The following ARHGAP35 variants were observed in gnomAD, a reference collection of about 807,000 sequenced individuals.
ARHGAP35 encodes the protein Rho GTPase activating protein 35.
Under a neutral mutation model 111.1 loss-of-function variants are expected in ARHGAP35, and 15 were observed. The ratio of observed to expected loss-of-function variants is 0.13; its 90% CI spans 0.09 to 0.21. The LOEUF (loss-of-function observed/expected upper bound fraction) is 0.21, where lower values mean the gene tolerates loss of function less well. Among genes scored for constraint, ARHGAP35 ranks in the 10% least tolerant of loss-of-function variants. The pLI, the probability that ARHGAP35 is intolerant of heterozygous loss-of-function variation, is 1.00. For synonymous variants in ARHGAP35, 643 were observed against 710.3 expected, an observed-to-expected ratio of 0.91 and a Z score of 1.51; for missense variants, 1,262 against 1,873.0, an observed-to-expected ratio of 0.67 and a Z score of 6.02.
In ARHGAP35 at chr19:46,901,865, C is replaced by T. The variant is rs564475509; in HGVS notation, c.-188-16623C>T. Among the ~76,000 whole-genome samples the T allele has an allele frequency of 6.6e-6, 1 of 152,202 alleles. No homozygotes were observed. Among genetic ancestry groups the T allele is most frequent in the Non-Finnish European group, 1.5e-5 (1 of 68,040 alleles). On this transcript the variant is annotated intron_variant, in intron 1 of 6. Transcript: ENST00000672722. The surrounding 1 kb of genome is among the most constrained non-coding windows in gnomAD (Gnocchi z 4.5). ...TGACAGATGAGAGCTGTCAAGATAGCTTGGCTGTGAGATGCCATTTAACTA... is the reference window on the plus strand; with the variant it reads ...TGACAGATGAGAGCTGTCAAGATAGTTTGGCTGTGAGATGCCATTTAACTA...
chr19:46,928,982 T>A (rs1299502299), intron 2 of ARHGAP35, among the ~76,000 whole-genome samples: 1 of 111,628 alleles, frequency 9.0e-6, no homozygotes, highest in Non-Finnish European at 1.8e-5. Flanking sequence ...TAGGATGACA[T>A]GTCTCCGTTT....
chr19:46,929,084 T>G (rs1366388478), intron 2 of ARHGAP35, among the ~76,000 whole-genome samples: 1 of 152,090 alleles, frequency 6.6e-6, no homozygotes, highest in Non-Finnish European at 1.5e-5. Context: ...TCCAAGATGG[T>G]GAGTGACTGA....
chr19:46,976,317 A>G (rs1401429650), intron 3 of ARHGAP35, among the ~76,000 whole-genome samples: 2 of 148,540 alleles, frequency 1.3e-5, no homozygotes, highest in Admixed American at 6.8e-5. Flanking sequence ...CCCCATTGCC[A>G]TAAAGGCAGG....
chr19:46,948,280 G>A (rs2056391847), intron 3 of ARHGAP35: 1 of 152,216 alleles, frequency 6.6e-6, no homozygotes, highest in South Asian at 2.1e-4. Flanking sequence ...AACAAGAACT[G>A]TAGACAAAAA....
chr19:46,877,754 T>G (rs2055933784), intron 1 of ARHGAP35, among the ~76,000 whole-genome samples: 1 of 152,088 alleles, frequency 6.6e-6, no homozygotes, highest in African/African-American at 2.4e-5. Flanking sequence ...TTGGCCAGGC[T>G]GGAGTTCAGT....
At chr19:46,913,276 A>G (rs2056147437) in intron 1 of ARHGAP35, among the ~76,000 whole-genome samples, 1 of 150,730 alleles carries the variant, frequency 6.6e-6, no homozygotes, top group Non-Finnish European at 1.5e-5. Context: ...AGTGATACAC[A>G]CGCTGTGTTG....
At position 46,920,458 on chromosome 19, in the gene ARHGAP35, A is replaced by G. The variant is rs1225439333; in HGVS notation, c.1783A>G (p.Ile595Val). ...NQKNSLSDPN[I>V]DRINLVILGK... ...GAAAAATTCACTCTCTGACCCTAAC[A>G]TTGATAGAATCAACTTGGTTATATT... Residue 595 changes from isoleucine to valine, a missense_variant, in exon 2 of 7, where the codon ATT (isoleucine) becomes GTT (valine). Physicochemically the swap from Ile to Val is conservative, Grantham distance 29. Transcript: ENST00000672722. The surrounding 1 kb of genome is among the most constrained non-coding windows in gnomAD (Gnocchi z 7.0). 1 of 1,613,908 alleles carries G rather than the reference A, an allele frequency of 6.2e-7. No homozygotes were observed. The highest frequency in any genetic ancestry group is 8.5e-7 in the Non-Finnish European group (1 of 1,179,802).
Position 46,919,131 on chromosome 19 carries a change from C to T in ARHGAP35, c.456C>T (p.Asp152=), listed in dbSNP as rs753062854. ...EQDFEQKQMP[D]GKLLVDGFLL... ...ACTTTGAGCAGAAACAAATGCCAGA[C>T]GGAAAGCTGCTGGTTGATGGTTTTC... Residue 152 remains aspartate, a synonymous_variant, in exon 2 of 7, where the codon GAC becomes GAT. Transcript: ENST00000672722. The surrounding 1 kb of genome is among the most constrained non-coding windows in gnomAD (Gnocchi z 6.2). The T allele has an allele frequency of 1.7e-5, 28 of 1,613,786 alleles. No individual in the cohort carries two copies. Among genetic ancestry groups the T allele is most frequent in the African/African-American group, 4.0e-5 (3 of 74,884 alleles).
At chr19:46,914,571 T>C (rs2056154440) in intron 1 of ARHGAP35, among the ~76,000 whole-genome samples, 1 of 152,144 alleles carries the variant, frequency 6.6e-6, no homozygotes. Context: ...GAGCTATGAT[T>C]ACAGCACTGC....
intron 1 of ARHGAP35, among the ~76,000 whole-genome samples, chr19:46,873,350 G>T (rs781624348): frequency 6.6e-6 from 1 of 151,776 alleles, no homozygotes; most frequent in African/African-American, 2.4e-5. Context: ...GAAAGGAGCC[G>T]GCTGGGCATG....
chr19:46,951,441 T>G (rs1044044350), intron 3 of ARHGAP35, among the ~76,000 whole-genome samples: 3 of 146,608 alleles, frequency 2.0e-5, no homozygotes, highest in African/African-American at 7.3e-5. Flanking sequence ...CCATGTGTGT[T>G]TTGATGGCCT....
intron 1 of ARHGAP35, among the ~76,000 whole-genome samples, chr19:46,916,001 C>T (rs1414881329): frequency 7.2e-6 from 1 of 138,398 alleles, no homozygotes; most frequent in East Asian, 2.2e-4. Context: ...AGTGGCGTGT[C>T]TCGGCTCACT....
intron 1 of ARHGAP35, among the ~76,000 whole-genome samples, chr19:46,876,870 G>A (rs913262340): frequency 6.6e-6 from 1 of 152,190 alleles, no homozygotes; most frequent in African/African-American, 2.4e-5. Flanking sequence ...CAGAGATAGT[G>A]TGGGATTAGT....
At chr19:46,932,925 C>T (rs951972499) in intron 2 of ARHGAP35, among the ~76,000 whole-genome samples, 4 of 152,122 alleles carry the variant, frequency 2.6e-5, no homozygotes, top group African/African-American at 9.7e-5. Flanking sequence ...TTCCGTCTCT[C>T]TTATCGCTCC....
chr19:46,885,577 G>A (rs929868669), intron 1 of ARHGAP35, among the ~76,000 whole-genome samples: 7 of 152,068 alleles, frequency 4.6e-5, no homozygotes, highest in Non-Finnish European at 8.8e-5. Flanking sequence ...GGTTAATGCC[G>A]GTGATTTCAT....
In ARHGAP35 at chr19:46,903,193, T is replaced by C. The variant is rs188547569; in HGVS notation, c.-188-15295T>C. Among the ~76,000 whole-genome samples the C allele has an allele frequency of 3.3e-5, 5 of 152,198 alleles. No individual in the cohort carries two copies. The East Asian group carries it at 9.7e-4, about 29-fold the overall frequency. On this transcript the variant is annotated intron_variant, in intron 1 of 6. Coordinates refer to ENST00000672722, the MANE Select transcript of ARHGAP35 (RefSeq NM_004491.5). ...CACATGCAATAGTGAAGGAACTGGG[T>C]TGAGACACCTACTCATCCCCAAACC...
chr19:46,872,835 T>C (rs1248728341), intron 1 of ARHGAP35, among the ~76,000 whole-genome samples: 6 of 150,246 alleles, frequency 4.0e-5, no homozygotes, highest in Non-Finnish European at 7.4e-5. Flanking sequence ...GAGCCGAGAT[T>C]GTGCCACTAC....
chr19:46,915,049 A>G (rs1389700430), intron 1 of ARHGAP35, among the ~76,000 whole-genome samples: 1 of 151,982 alleles, frequency 6.6e-6, no homozygotes, highest in Non-Finnish European at 1.5e-5. Flanking sequence ...CTTCATCAGC[A>G]CTCCTGTCTG....
chr19:46,961,544 G>A lies in ARHGAP35; in HGVS notation c.3826+24136G>A, dbSNP rs150804387. On this transcript the variant is annotated intron_variant, in intron 3 of 6. Coordinates refer to ENST00000672722, the MANE Select transcript of ARHGAP35 (RefSeq NM_004491.5). ...CAACATGGGTGAATCTCATGGACGC[G>A]TTGAATAAAAGAAGCCAGAAATAAA... Among the ~76,000 whole-genome samples, 516 of 152,226 alleles carry A rather than the reference G, an allele frequency of 3.4e-3. 4 individuals are homozygous for A. The highest frequency in any genetic ancestry group is 0.012 in the African/African-American group (485 of 41,534).
Sources: gnomAD v4.1 joint callset for allele counts (sites outside exome capture counted in the v4.1 genomes callset) on GRCh38, gnomAD v4.1.1 for gene constraint, Gnocchi (gnomAD v3.1) non-coding constraint, MANE v1.5 for transcripts, NCBI Gene and HGNC (gene_info 2026-07-23, HGNC 2026-07-21) for gene names.